The following TRIM44 variants were observed in gnomAD, a reference collection of about 807,000 sequenced individuals.
TRIM44 encodes the protein tripartite motif-containing protein 44.
TRIM44 carries 13 observed loss-of-function variants against 37.4 expected under a neutral mutation model. The observed-to-expected ratio is 0.35, with a 90% CI of 0.23 to 0.55. The LOEUF (loss-of-function observed/expected upper bound fraction) is 0.55, where lower values mean the gene tolerates loss of function less well. Ranked by LOEUF, TRIM44 falls within the 20% of genes least tolerant of loss-of-function variation. TRIM44 has a pLI of 0.89. For synonymous variants in TRIM44, 175 were observed against 157.2 expected, an observed-to-expected ratio of 1.11 and a Z score of -0.85; for missense variants, 426 against 437.2, an observed-to-expected ratio of 0.97 and a Z score of 0.23.
chr11:35,669,370 A>G (rs1334459693), intron 1 of TRIM44, among the ~76,000 whole-genome samples: 4 of 152,254 alleles, frequency 2.6e-5, no homozygotes, highest in South Asian at 2.1e-4. Flanking sequence ...ATGTTTGGAT[A>G]GTAACAAGTT....
intron 2 of TRIM44, among the ~76,000 whole-genome samples, chr11:35,708,510 C>T (rs866101760): frequency 1.3e-5 from 2 of 151,692 alleles, no homozygotes; most frequent in Admixed American, 6.6e-5. Flanking sequence ...TTGGAACCAA[C>T]CCAAATGTCC....
At chr11:35,665,617 T>C (rs1851323581) in intron 1 of TRIM44, among the ~76,000 whole-genome samples, 1 of 127,344 alleles carries the variant, frequency 7.9e-6, no homozygotes, top group Non-Finnish European at 1.6e-5. Flanking sequence ...TTTTTTGAGA[T>C]AGAGTCTTGC....
chr11:35,802,835 T>C (rs1853387845), intron 4 of TRIM44, among the ~76,000 whole-genome samples: 1 of 152,108 alleles, frequency 6.6e-6, no homozygotes. Context: ...TTTAAAAAAC[T>C]CTCCAAGTGA....
At chr11:35,726,195 A>C in intron 3 of TRIM44, 32 bp downstream of exon 3, 1 of 1,607,744 alleles carries the variant, frequency 6.2e-7, no homozygotes, top group East Asian at 2.2e-5. Context: ...ATTAGTAGCA[A>C]GAGAAATAGG....
intron 4 of TRIM44, among the ~76,000 whole-genome samples, chr11:35,776,399 A>G (rs749294247): frequency 6.6e-6 from 1 of 152,102 alleles, no homozygotes; most frequent in Non-Finnish European, 1.5e-5. Flanking sequence ...TGATGTTTTC[A>G]AAAAACCAGC....
rs1590614716 is a variant in TRIM44, at chr11:35,806,567, G to A, written c.*182G>A. 1.6e-6 allele frequency: 1 copy of A among 626,436 alleles called. No homozygotes were observed. Among genetic ancestry groups the A allele is most frequent in the East Asian group, 2.8e-5 (1 of 35,480 alleles). The allele number at this position is 626,436 out of a possible 1,614,324, so 38.8% of individuals were successfully genotyped here. A position where few individuals can be genotyped will look rare whatever the true frequency, so the allele number is the denominator to read the frequency against. On this transcript the variant is annotated 3_prime_UTR_variant, in exon 5 of 5. Transcript: ENST00000299413. ...GGATGACCAGTTTTATGCTTACTGT[G>A]TGCTTCTCATCCCCTGGTTGTGGTA...
chr11:35,732,051 C>G (rs1165809244), intron 3 of TRIM44, among the ~76,000 whole-genome samples: 2 of 152,100 alleles, frequency 1.3e-5, no homozygotes, highest in Non-Finnish European at 2.9e-5. Context: ...CTTACTGTTT[C>G]TAGTATTTTG....
chr11:35,805,928 G>A (rs1275384827), intron 4 of TRIM44, among the ~76,000 whole-genome samples: 1 of 152,150 alleles, frequency 6.6e-6, no homozygotes, highest in Non-Finnish European at 1.5e-5. Context: ...AGTGCAGATG[G>A]TAGTAGCTTC....
chr11:35,768,696 A>T (rs909043642), intron 4 of TRIM44, among the ~76,000 whole-genome samples: 1 of 152,236 alleles, frequency 6.6e-6, no homozygotes, highest in East Asian at 1.9e-4. Context: ...TTTTTCTCCC[A>T]TGGTGACCTA....
In TRIM44 at chr11:35,745,356, T is replaced by A. The variant is rs779405777; in HGVS notation, c.1007+9911T>A. On this transcript the variant is annotated intron_variant, in intron 4 of 4. Coordinates refer to ENST00000299413, the MANE Select transcript of TRIM44 (RefSeq NM_017583.6). ...GAAGGGCGTATTCATGCCCACTTTT[T>A]AATGGGGTTGTTTTTTTCTTGTAAA... is the stretch of plus-strand genomic sequence containing the variant. Among the ~76,000 whole-genome samples the A allele has an allele frequency of 2.6e-5, 4 of 152,232 alleles. No homozygotes were observed. In the South Asian group the frequency reaches 6.2e-4, roughly 24 times the overall value.
intron 2 of TRIM44, among the ~76,000 whole-genome samples, chr11:35,706,198 C>G (rs1851878788): frequency 6.7e-6 from 1 of 149,120 alleles, no homozygotes; most frequent in Admixed American, 6.7e-5. Context: ...TGCACCCTCC[C>G]AAGACTAAAC....
In TRIM44 at chr11:35,811,004, T is replaced by C. The variant is rs1375280256; in HGVS notation, c.*4619T>C. The C allele has an allele frequency of 6.6e-6, 1 of 152,210 alleles. No homozygotes were observed. The highest frequency in any genetic ancestry group is 2.4e-5 in the African/African-American group (1 of 41,460). The allele number at this position is 152,210 out of a possible 1,614,324, so 9.4% of individuals were successfully genotyped here. On this transcript the variant is annotated 3_prime_UTR_variant, in exon 5 of 5. Coordinates refer to ENST00000299413, the MANE Select transcript of TRIM44 (RefSeq NM_017583.6). ...TACTGCTATCCCAGGATGTTCGGACTTGGTGCCCCTGTGCATTTGGAAATC... is the reference window on the plus strand; with the variant it reads ...TACTGCTATCCCAGGATGTTCGGACCTGGTGCCCCTGTGCATTTGGAAATC...
chr11:35,762,783 G>C (rs575418268), intron 4 of TRIM44, among the ~76,000 whole-genome samples: 1 of 152,278 alleles, frequency 6.6e-6, no homozygotes, highest in East Asian at 1.9e-4. Flanking sequence ...CCACCTGCTA[G>C]CTATATAACT....
At chr11:35,785,240 A>C (rs1853116348) in intron 4 of TRIM44, among the ~76,000 whole-genome samples, 1 of 152,254 alleles carries the variant, frequency 6.6e-6, no homozygotes, top group South Asian at 2.1e-4. Context: ...ATCACCTAAA[A>C]GAAAACAGCA....
intron 4 of TRIM44, among the ~76,000 whole-genome samples, chr11:35,760,592 T>C (rs1375592579): frequency 2.0e-5 from 3 of 152,234 alleles, no homozygotes; most frequent in Non-Finnish European, 4.4e-5. Flanking sequence ...TCACTCATGC[T>C]GGGAGCTGTA....
intron 4 of TRIM44, among the ~76,000 whole-genome samples, chr11:35,740,047 C>T (rs934361556): frequency 4.8e-5 from 7 of 145,424 alleles, no homozygotes; most frequent in African/African-American, 1.6e-4. Context: ...TGCAGTGAGC[C>T]GAGATCGTGC....
rs185506038 is a variant in TRIM44 at position 35,664,575 on chromosome 11, T to A, written c.669+795T>A. ...CAGTTCATTAAGTAATCTGTATTAG[T>A]GAACATTGTCATATTATGATGACTT... On this transcript the variant is annotated intron_variant, in intron 1 of 4. Transcript: ENST00000299413. 1.3e-4 allele frequency among the ~76,000 whole-genome samples: 20 copies of A among 152,354 alleles called. 1 individual carries two copies. The East Asian group carries it at 2.9e-3, about 22-fold the overall frequency.
chr11:35,727,361 T>C (rs993942188), intron 3 of TRIM44, among the ~76,000 whole-genome samples: 2 of 152,138 alleles, frequency 1.3e-5, no homozygotes, highest in Non-Finnish European at 2.9e-5. Flanking sequence ...CTGGACGTCC[T>C]GCCTTGGCTT....
chr11:35,693,712 A>G (rs1261831462), intron 2 of TRIM44, among the ~76,000 whole-genome samples: 2 of 152,106 alleles, frequency 1.3e-5, no homozygotes, highest in African/African-American at 4.8e-5. Context: ...ACCAAAACTT[A>G]GAGCCTCAGC....
Sources: gnomAD v4.1 joint callset for allele counts (sites outside exome capture counted in the v4.1 genomes callset) on GRCh38, gnomAD v4.1.1 for gene constraint, MANE v1.5 for transcripts, NCBI Gene and HGNC (gene_info 2026-07-23, HGNC 2026-07-21) for gene names.